Variants in DRICH1 observed in about 807,000 individuals in gnomAD.
DRICH1 encodes the protein aspartate rich 1.
A neutral mutation model predicts 39.5 loss-of-function variants in DRICH1; 38 were observed. The observed-to-expected ratio is 0.96, with a 90% CI of 0.74 to 1.26. DRICH1 has a LOEUF of 1.26. DRICH1 is among the 50% of genes most tolerant of loss of function. The probability of loss-of-function intolerance (pLI) is 0.00; values close to 1 mark genes in which losing one functional copy is unlikely to be tolerated. For synonymous variants in DRICH1, 84 were observed against 99.5 expected, an observed-to-expected ratio of 0.84 and a Z score of 0.93; for missense variants, 279 against 270.4, an observed-to-expected ratio of 1.03 and a Z score of -0.22.
At chr22:23,582,352 T>C in the DRICH1 span, among the ~76,000 whole-genome samples, 1 of 151,822 alleles carries the variant, frequency 6.6e-6, no homozygotes, top group Non-Finnish European at 1.5e-5. Flanking sequence ...TAGATCTTTT[T>C]CATCTTGCAG....
At chr22:23,592,666 C>T in the DRICH1 span, among the ~76,000 whole-genome samples, 3 of 152,008 alleles carry the variant, frequency 2.0e-5, no homozygotes, top group East Asian at 1.9e-4. Flanking sequence ...ACCTCTGGGG[C>T]GGGCCACTAA....
chr22:23,615,292 C>T (rs1927288367), intron 8 of DRICH1, among the ~76,000 whole-genome samples: 1 of 152,186 alleles, frequency 6.6e-6, no homozygotes, highest in Admixed American at 6.5e-5. Flanking sequence ...AGGAGAATCA[C>T]TTGAATCTTG....
chr22:23,592,395 G>C, the DRICH1 span, among the ~76,000 whole-genome samples: 4 of 151,924 alleles, frequency 2.6e-5, no homozygotes, highest in Admixed American at 6.6e-5. Flanking sequence ...GCAAGACTGG[G>C]GGGGGGCGGT....
intron 4 of DRICH1, among the ~76,000 whole-genome samples, chr22:23,620,853 G>A (rs1569092815): frequency 6.6e-6 from 1 of 152,148 alleles, no homozygotes; most frequent in Non-Finnish European, 1.5e-5. Context: ...ACTTAGATTG[G>A]TAAATGCACA....
chr22:23,614,333 T>C lies in DRICH1; in HGVS notation c.542-119A>G, dbSNP rs969037596. 152 of 717,276 alleles carry C rather than the reference T, an allele frequency of 2.1e-4. 1 individual carries two copies. The highest frequency in any genetic ancestry group is 1.1e-4 in the Admixed American group (5 of 45,680). The allele number at this position is 717,276 out of a possible 1,614,324, so 44.4% of individuals were successfully genotyped here. A position where few individuals can be genotyped will look rare whatever the true frequency, so the allele number is the denominator to read the frequency against. ...GATTAACAAGCATGGACTGAGTTGATGCTGGGCTATTCCCCTGAGTGGAAG... is the reference window on the plus strand; with the variant it reads ...GATTAACAAGCATGGACTGAGTTGACGCTGGGCTATTCCCCTGAGTGGAAG... On this transcript the variant is annotated intron_variant, in intron 8 of 11. Coordinates refer to ENST00000317749, the MANE Select transcript of DRICH1 (RefSeq NM_016449.4).
rs5844565 is a variant in DRICH1, at chr22:23,619,171, CA to C, written c.436+192del. Among the ~76,000 whole-genome samples, 474 of 84,928 alleles carry C rather than the reference CA, an allele frequency of 5.6e-3. 3 individuals are homozygous for C. The highest frequency in any genetic ancestry group is 0.019 in the African/African-American group (390 of 20,680). The allele number at this position is 84,928 out of a possible 152,430, so 55.7% of individuals were successfully genotyped here. ...TGGTGACAAGAGTGAGACTCCGTCT[CA>C]AAAAAAAAAAAAAAAAAGAAAAAGA... On this transcript the variant is annotated intron_variant, in intron 6 of 11. Transcript: ENST00000317749.
downstream of DRICH1, among the ~76,000 whole-genome samples, chr22:23,607,770 G>GCAGCCTCCC (rs1361243174): frequency 2.0e-5 from 3 of 152,134 alleles, no homozygotes; most frequent in African/African-American, 7.2e-5. Context: ...CTCTGAAAAT[G>GCAGCCTCCC]CAGCCTCCCC....
intron 5 of DRICH1, among the ~76,000 whole-genome samples, chr22:23,620,358 C>T (rs60223277): frequency 0.035 from 5,318 of 152,072 alleles, 246 homozygotes; most frequent in African/African-American, 0.12. Context: ...GGTCAGTGAG[C>T]GGTGCACTCA....
At chr22:23,590,542 G>A in the DRICH1 span, among the ~76,000 whole-genome samples, 5 of 152,042 alleles carry the variant, frequency 3.3e-5, no homozygotes, top group African/African-American at 9.7e-5. Flanking sequence ...GTCTCCCAAA[G>A]TGCTGGGATT....
chr22:23,621,557 G>T (rs1291576098), intron 4 of DRICH1, among the ~76,000 whole-genome samples: 11 of 152,114 alleles, frequency 7.2e-5, no homozygotes, highest in Non-Finnish European at 1.3e-4. Context: ...TGTTGAAACT[G>T]TGCTGGGTGT....
chr22:23,608,443 G>A, downstream of DRICH1: 1 of 427,572 alleles, frequency 2.3e-6, no homozygotes, highest in Non-Finnish European at 4.3e-6. Flanking sequence ...AGCCACCTCT[G>A]CACCTGAATA....
chr22:23,594,338 G>A, the DRICH1 span, among the ~76,000 whole-genome samples: 4 of 152,202 alleles, frequency 2.6e-5, no homozygotes, highest in African/African-American at 9.7e-5. Context: ...GGAGACCAAG[G>A]GAGGTGGATC....
intron 1 of DRICH1, among the ~76,000 whole-genome samples, chr22:23,628,521 C>T (rs8139592): frequency 0.26 from 38,787 of 151,836 alleles, 5,073 homozygotes; most frequent in East Asian, 0.34. Flanking sequence ...GAGCTGAGAT[C>T]GCACAACTGC....
chr22:23,622,201 C>T (rs374135912), intron 3 of DRICH1, 25 bp from the exon 4 acceptor site: 34 of 1,606,164 alleles, frequency 2.1e-5, no homozygotes, highest in African/African-American at 5.4e-5. Flanking sequence ...AGGAAAGATC[C>T]GTGCCCTGGT....
the DRICH1 span, among the ~76,000 whole-genome samples, chr22:23,582,809 C>T: frequency 6.6e-6 from 1 of 152,082 alleles, no homozygotes; most frequent in Non-Finnish European, 1.5e-5. Flanking sequence ...GATCAGCCCA[C>T]CTCAGCCTCC....
rs1192790875 is a variant in DRICH1, at chr22:23,619,359, C to T, written c.436+5G>A. The T allele has an allele frequency of 9.0e-6, 7 of 780,662 alleles. No individual in the cohort carries two copies. The Admixed American group carries it at 1.0e-4, about 11-fold the overall frequency. The allele number at this position is 780,662 out of a possible 1,614,324, so 48.4% of individuals were successfully genotyped here. On this transcript the variant is annotated splice_donor_5th_base_variant and intron_variant, in intron 6 of 11. Coordinates refer to ENST00000317749, the MANE Select transcript of DRICH1 (RefSeq NM_016449.4). ...CAATACTACACACATGATCTACAGACTCACAAGAACTGCTATCAAACCGGT... is the reference window on the plus strand; with the variant it reads ...CAATACTACACACATGATCTACAGATTCACAAGAACTGCTATCAAACCGGT...
chr22:23,616,902 A>T, intron 7 of DRICH1, 28 bp from the exon 8 acceptor site: 1 of 1,613,468 alleles, frequency 6.2e-7, no homozygotes, highest in Non-Finnish European at 8.5e-7. Flanking sequence ...AAGATGCTGT[A>T]AGGATCAGAT....
intron 3 of DRICH1, chr22:23,624,040 C>T (rs1927919626): frequency 6.1e-6 from 6 of 985,326 alleles, no homozygotes; most frequent in South Asian, 4.7e-5. Context: ...GACACTGGAC[C>T]TTTTGCAGTG....
chr22:23,625,455 C>T (rs1928003211), intron 2 of DRICH1, among the ~76,000 whole-genome samples: 1 of 152,080 alleles, frequency 6.6e-6, no homozygotes, highest in African/African-American at 2.4e-5. Flanking sequence ...CTTGGATGGG[C>T]AATGCCTGCT....
Sources: allele counts gnomAD v4.1 joint callset (sites outside exome capture counted in the v4.1 genomes callset), GRCh38; gene constraint gnomAD v4.1.1; transcripts MANE v1.5; gene names NCBI Gene and HGNC (gene_info 2026-07-23, HGNC 2026-07-21).